Variants in EXOC4 observed in about 807,000 individuals in gnomAD.
The protein encoded by EXOC4 is exocyst complex component 4.
EXOC4 carries 71 observed loss-of-function variants against 107.2 expected under a neutral mutation model. The observed-to-expected ratio is 0.66, with a 90% CI of 0.55 to 0.81. EXOC4 has a LOEUF of 0.81. Among genes scored for constraint, EXOC4 ranks in the 30% least tolerant of loss-of-function variants. The pLI is 0.00. For synonymous variants in EXOC4, 456 were observed against 441.2 expected (o/e 1.03, Z -0.42); for missense variants, 1,108 against 1,189.6 (o/e 0.93, Z 1.01).
At chr7:134,014,592 T>C (rs1794856403) in intron 17 of EXOC4, among the ~76,000 whole-genome samples, 1 of 152,000 alleles carries the variant, frequency 6.6e-6, no homozygotes, top group African/African-American at 2.4e-5. Flanking sequence ...ATGTCCAAAA[T>C]AGTCAAATTT....
At chr7:133,905,213 A>T (rs1799540237) in intron 12 of EXOC4, among the ~76,000 whole-genome samples, 1 of 152,114 alleles carries the variant, frequency 6.6e-6, no homozygotes, top group African/African-American at 2.4e-5. Flanking sequence ...TTCCCATGAA[A>T]ACCTGGGCAG....
intron 4 of EXOC4, among the ~76,000 whole-genome samples, chr7:133,311,647 T>G (rs372824581): frequency 1.3e-5 from 2 of 152,104 alleles, no homozygotes; most frequent in Admixed American, 1.3e-4. Context: ...AAGAAATATA[T>G]TAAATGGTTT....
Position 133,380,635 on chromosome 7 carries a change from T to C in EXOC4, c.1182+5633T>C, listed in dbSNP as rs188611303. 1.7e-3 allele frequency among the ~76,000 whole-genome samples: 262 copies of C among 152,266 alleles called. 1 individual carries two copies. The highest frequency in any genetic ancestry group is 2.4e-3 in the Non-Finnish European group (166 of 68,008). On this transcript the variant is annotated intron_variant, in intron 7 of 17. Transcript: ENST00000253861. The stretch of plus-strand genomic sequence containing the variant: ...TTTTATTTTTCTAAAATATGGGTCC[T>C]TGGAAATTTTATAGTTTAAGAGAAA...
chr7:133,871,886 G>A (rs1798758550), intron 11 of EXOC4, among the ~76,000 whole-genome samples: 1 of 152,164 alleles, frequency 6.6e-6, no homozygotes, highest in Non-Finnish European at 1.5e-5. Context: ...AATTTTAAAA[G>A]CACCTACAAT....
rs1799841312 is a variant in EXOC4, at chr7:133,917,668, C to G, written c.1957C>G (p.Pro653Ala). 1.2e-6 allele frequency: 2 copies of G among 1,613,994 alleles called. No individual in the cohort carries two copies. The highest frequency in any genetic ancestry group is 4.5e-5 in the East Asian group (2 of 44,854). Residue 653 changes from proline (P) to alanine (A), a missense_variant, in exon 13 of 18, where the codon CCA becomes GCA. Pro to Ala is a conservative substitution (Grantham distance 27). Transcript: ENST00000253861. Reference sequence around the variant, plus strand: ...TATCAGCAGACTCTTGAAATCTCTACCAAACTGGATGAATATGGCTCAACC... The same window carrying G: ...TATCAGCAGACTCTTGAAATCTCTAGCAAACTGGATGAATATGGCTCAACC... ...DDISRLLKSL[P>A]NWMNMAQPKQ...
chr7:133,855,132 TATATATATATAA>T (rs1192370388), intron 11 of EXOC4, among the ~76,000 whole-genome samples: 1 of 70,382 alleles, frequency 1.4e-5, no homozygotes, highest in Admixed American at 1.2e-4. Context: ...TATATAAATA[TATATATATATAA>T]ATATATATAT....
At chr7:133,847,537 A>ATTT (rs34297470) in intron 11 of EXOC4, among the ~76,000 whole-genome samples, 5 of 127,190 alleles carry the variant, frequency 3.9e-5, no homozygotes, top group Non-Finnish European at 4.9e-5. Context: ...TACACCAGCT[A>ATTT]TTTTTTTTTT....
At chr7:133,872,435 G>A (rs1798770127) in intron 11 of EXOC4, among the ~76,000 whole-genome samples, 1 of 152,056 alleles carries the variant, frequency 6.6e-6, no homozygotes, top group African/African-American at 2.4e-5. Context: ...TATCAAAAAC[G>A]CAAGCCGGGA....
chr7:133,558,831 A>G (rs575898333), intron 9 of EXOC4, among the ~76,000 whole-genome samples: 7 of 152,276 alleles, frequency 4.6e-5, no homozygotes, highest in African/African-American at 7.2e-5. Flanking sequence ...ACTGCTTCCA[A>G]GAGAAGCCTA....
intron 10 of EXOC4, among the ~76,000 whole-genome samples, chr7:133,759,631 CT>C (rs1445251986): frequency 2.6e-5 from 4 of 152,162 alleles, no homozygotes; most frequent in African/African-American, 9.7e-5. Context: ...CTTACCCCCA[CT>C]GCATATAAAG....
rs149864462 is a variant in EXOC4, at chr7:133,454,400, G to A, written c.1183-20928G>A. Among the ~76,000 whole-genome samples, 926 of 152,272 alleles carry A rather than the reference G, an allele frequency of 6.1e-3. 3 individuals are homozygous for A. The highest frequency in any genetic ancestry group is 0.01 in the Middle Eastern group (3 of 294). Reference sequence around the variant, plus strand: ...TGCAGCCATTGCCTCCTGGCGAAGCGATTCTTGTGCCTCAGCCTCCCAAGT... The same window carrying A: ...TGCAGCCATTGCCTCCTGGCGAAGCAATTCTTGTGCCTCAGCCTCCCAAGT... On this transcript the variant is annotated intron_variant, in intron 7 of 17. Coordinates refer to ENST00000253861, the MANE Select transcript of EXOC4 (RefSeq NM_021807.4).
chr7:133,792,568 A>AAAT (rs1796726883), intron 10 of EXOC4, among the ~76,000 whole-genome samples: 1 of 151,582 alleles, frequency 6.6e-6, no homozygotes, highest in South Asian at 2.1e-4. Flanking sequence ...AAAAAAAAAA[A>AAAT]AAAAACCTAA....
At chr7:133,991,440 G>GA (rs1794258863) in intron 14 of EXOC4, among the ~76,000 whole-genome samples, 1 of 151,906 alleles carries the variant, frequency 6.6e-6, no homozygotes, top group Non-Finnish European at 1.5e-5. Flanking sequence ...CTTTGTAGAA[G>GA]CTTTTTTGGC....
At chr7:133,485,110 T>C (rs1229259428) in intron 9 of EXOC4, among the ~76,000 whole-genome samples, 1 of 144,644 alleles carries the variant, frequency 6.9e-6, no homozygotes, top group African/African-American at 2.6e-5. Context: ...AATAAATAAA[T>C]AAATAAATAA....
intron 9 of EXOC4, among the ~76,000 whole-genome samples, chr7:133,601,377 T>TTA (rs1554477463): frequency 3.3e-5 from 5 of 151,976 alleles, no homozygotes; most frequent in African/African-American, 7.3e-5. Flanking sequence ...GTGTATATAT[T>TTA]TATATATATA....
chr7:133,742,004 G>A (rs1356908253), intron 10 of EXOC4, among the ~76,000 whole-genome samples: 1 of 152,158 alleles, frequency 6.6e-6, no homozygotes, highest in African/African-American at 2.4e-5. Flanking sequence ...AAAGTCTATA[G>A]AATTGTCACG....
chr7:133,785,024 G>A (rs1796540153), intron 10 of EXOC4, among the ~76,000 whole-genome samples: 1 of 152,094 alleles, frequency 6.6e-6, no homozygotes, highest in African/African-American at 2.4e-5. Context: ...ATGAGACCAA[G>A]GCCATGAGTT....
At chr7:133,937,052 C>T (rs530479226) in intron 13 of EXOC4, among the ~76,000 whole-genome samples, 7 of 152,306 alleles carry the variant, frequency 4.6e-5, no homozygotes, top group Admixed American at 2.0e-4. Flanking sequence ...CTTTGCCACT[C>T]ATGTGTCATG....
At chr7:134,042,978 T>A (rs1585346337) in intron 17 of EXOC4, among the ~76,000 whole-genome samples, 1 of 152,040 alleles carries the variant, frequency 6.6e-6, no homozygotes, top group South Asian at 2.1e-4. Context: ...GAGGTGGAGG[T>A]TGCAGTTAGC....
Sources: allele counts gnomAD v4.1 joint callset (sites outside exome capture counted in the v4.1 genomes callset), GRCh38; gene constraint gnomAD v4.1.1; transcripts MANE v1.5; gene names NCBI Gene and HGNC (gene_info 2026-07-23, HGNC 2026-07-21).